Variants in SLC35G2 observed in about 807,000 individuals in gnomAD.
SLC35G2 encodes the protein transmembrane protein 22.
Under a neutral mutation model 27.2 loss-of-function variants are expected in SLC35G2, and 20 were observed. The observed-to-expected ratio is 0.74, with a 90% confidence interval of 0.52 to 1.07. SLC35G2 has a LOEUF of 1.07. Among genes scored for constraint, SLC35G2 ranks in the 50% least tolerant of loss-of-function variants. The probability of loss-of-function intolerance (pLI) is 0.00; values close to 1 mark genes in which losing one functional copy is unlikely to be tolerated. For synonymous variants in SLC35G2, 148 were observed against 165.3 expected (o/e 0.90, Z 0.80); for missense variants, 416 against 493.3 (o/e 0.84, Z 1.48).
chr3:136,825,649 T>C (rs1936566552), intron 1 of SLC35G2, among the ~76,000 whole-genome samples: 2 of 152,238 alleles, frequency 1.3e-5, no homozygotes, highest in Non-Finnish European at 2.9e-5. Context: ...TCAGCATTAA[T>C]TGAAATGATT....
chr3:136,823,312 C>A (rs12695653), intron 1 of SLC35G2, among the ~76,000 whole-genome samples: 103,339 of 152,146 alleles, frequency 0.68, 35,396 homozygotes, highest in East Asian at 0.87. Context: ...GATTATTAAT[C>A]CCTTGTCAGA....
intron 1 of SLC35G2, among the ~76,000 whole-genome samples, chr3:136,837,053 A>T (rs1262032484): frequency 8.5e-5 from 13 of 152,174 alleles, no homozygotes. Context: ...AGAAAAGCCA[A>T]AGGTAATTAT....
intron 1 of SLC35G2, among the ~76,000 whole-genome samples, chr3:136,829,080 T>G (rs1936658951): frequency 6.6e-6 from 1 of 152,248 alleles, no homozygotes; most frequent in Non-Finnish European, 1.5e-5. Flanking sequence ...TCTATTGTAC[T>G]GTCTACGTCT....
At chr3:136,821,994 A>T (rs1251954658) in intron 1 of SLC35G2, among the ~76,000 whole-genome samples, 1 of 152,112 alleles carries the variant, frequency 6.6e-6, no homozygotes, top group African/African-American at 2.4e-5. Flanking sequence ...ACATAGGTAT[A>T]TATATATTTA....
At chr3:136,820,146 T>G (rs1009914870) in intron 1 of SLC35G2, 5 of 152,056 alleles carry the variant, frequency 3.3e-5, no homozygotes, top group Non-Finnish European at 7.3e-5. Flanking sequence ...AAAGCTCGGG[T>G]CCGAGTGTTG....
intron 1 of SLC35G2, among the ~76,000 whole-genome samples, chr3:136,851,425 G>C (rs1937623570): frequency 6.7e-6 from 1 of 149,392 alleles, no homozygotes; most frequent in Admixed American, 6.7e-5. Flanking sequence ...GTGAACCCGG[G>C]AGGTGGAGCT....
chr3:136,854,973 T>C lies in SLC35G2; in HGVS notation c.513T>C (p.Tyr171=), dbSNP rs2108046146. ...PSGYRLRLFF[Y]GVCNVISITC... The stretch of plus-strand genomic sequence containing the variant: ...GATACAGATTACGACTCTTCTTTTA[T>C]GGTGTATGCAATGTCATTTCTATCA... The change falls in exon 2 of 2, where the codon TAT becomes TAC. Residue 171 remains tyrosine (Y), a synonymous_variant. Transcript: ENST00000446465. 1 of 1,614,220 alleles carries C rather than the reference T, an allele frequency of 6.2e-7. No individual in the cohort carries two copies. The highest frequency in any genetic ancestry group is 8.5e-7 in the Non-Finnish European group (1 of 1,180,036).
At chr3:136,834,662 C>CCACTGTCT (rs1936817822) in intron 1 of SLC35G2, among the ~76,000 whole-genome samples, 1 of 152,160 alleles carries the variant, frequency 6.6e-6, no homozygotes. Context: ...ATCACCACCA[C>CCACTGTCT]CACTGTCTCA....
intron 1 of SLC35G2, among the ~76,000 whole-genome samples, chr3:136,827,583 G>T (rs200749066): frequency 1.3e-5 from 2 of 152,156 alleles, no homozygotes; most frequent in East Asian, 3.9e-4. Flanking sequence ...TTTTTTTGAT[G>T]TAGGCATTTA....
intron 1 of SLC35G2, among the ~76,000 whole-genome samples, chr3:136,823,921 A>G (rs934152113): frequency 1.3e-5 from 2 of 152,052 alleles, no homozygotes; most frequent in African/African-American, 4.8e-5. Context: ...ATAGGGGTCT[A>G]GTTTCATTAT....
rs992356209 is a variant in SLC35G2, at chr3:136,828,712, T to A, written c.-19+9084T>A. Reference sequence around the variant, plus strand: ...CATTCAGCCAGTCTGTGTCTTTGGATTGGAGAATTTAGTCTGTTTACATTC... The same window carrying A: ...CATTCAGCCAGTCTGTGTCTTTGGAATGGAGAATTTAGTCTGTTTACATTC... On this transcript the variant is annotated intron_variant, in intron 1 of 1. Transcript: ENST00000446465. 3.9e-4 allele frequency among the ~76,000 whole-genome samples: 59 copies of A among 152,332 alleles called. 1 individual carries two copies. Among genetic ancestry groups the A allele is most frequent in the African/African-American group, 1.4e-3 (59 of 41,584 alleles).
chr3:136,840,870 G>T (rs546200264), intron 1 of SLC35G2, among the ~76,000 whole-genome samples: 1 of 149,750 alleles, frequency 6.7e-6, no homozygotes, highest in Non-Finnish European at 1.5e-5. Context: ...TGATCTGCCC[G>T]TCTGAGCCTC....
At chr3:136,844,511 T>C (rs1576906322) in intron 1 of SLC35G2, among the ~76,000 whole-genome samples, 3 of 122,432 alleles carry the variant, frequency 2.5e-5, no homozygotes, top group Admixed American at 8.4e-5. Flanking sequence ...AAACAACAAA[T>C]TTGTTGACTG....
rs112578666 is a variant in SLC35G2, at chr3:136,828,580, G to A, written c.-19+8952G>A. On this transcript the variant is annotated intron_variant, in intron 1 of 1. Transcript: ENST00000446465. The stretch of plus-strand genomic sequence containing the variant: ...TTGTCCTTGTTTGGTTTTCATTGGC[G>A]TGGAATATCTTTGTCCATCCCTTTA... Among the ~76,000 whole-genome samples, 16 of 152,190 alleles carry A rather than the reference G, an allele frequency of 1.1e-4. 1 individual carries two copies. Among genetic ancestry groups the A allele is most frequent in the Admixed American group, 7.2e-4 (11 of 15,274 alleles).
rs916766846 is a variant in SLC35G2 at position 136,838,270 on chromosome 3, TATATATATATATAA to T, written c.-18-16170_-18-16157del. The T allele has an allele frequency of 9.2e-4, 51 of 55,504 alleles. 2 individuals are homozygous for T. The highest frequency in any genetic ancestry group is 2.7e-3 in the South Asian group (4 of 1,486). The allele number at this position is 55,504 out of a possible 1,614,324, so 3.4% of individuals were successfully genotyped here. ...ACATATATATATATATATATATATATATATATATATATAAATGCACACACAACGTGTGTGTGCTT... is the reference window on the plus strand; with the variant it reads ...ACATATATATATATATATATATATATATGCACACACAACGTGTGTGTGCTT... On this transcript the variant is annotated intron_variant, in intron 1 of 1. Coordinates refer to ENST00000446465, the MANE Select transcript of SLC35G2 (RefSeq NM_025246.3).
intron 1 of SLC35G2, among the ~76,000 whole-genome samples, chr3:136,826,972 CT>C (rs368303100): frequency 2.6e-3 from 85 of 32,832 alleles, no homozygotes; most frequent in African/African-American, 4.6e-3. Context: ...TCTCTTTTTT[CT>C]TTTTTTTTTT....
chr3:136,852,232 G>T (rs1237541328), intron 1 of SLC35G2, among the ~76,000 whole-genome samples: 2 of 148,416 alleles, frequency 1.3e-5, no homozygotes, highest in African/African-American at 2.5e-5. Context: ...CAGGAAGAAG[G>T]ACTGCAAATG....
intron 1 of SLC35G2, chr3:136,837,590 T>A (rs925462335): frequency 6.6e-6 from 1 of 152,196 alleles, no homozygotes; most frequent in African/African-American, 2.4e-5. Context: ...TGTAAATATA[T>A]ATACATATAA....
chr3:136,830,676 A>C (rs1304399082), intron 1 of SLC35G2, among the ~76,000 whole-genome samples: 2 of 152,082 alleles, frequency 1.3e-5, no homozygotes, highest in Non-Finnish European at 2.9e-5. Context: ...AGCCTCCCAA[A>C]GTGCTGGGAT....
Sources: allele counts gnomAD v4.1 joint callset (sites outside exome capture counted in the v4.1 genomes callset), GRCh38; gene constraint gnomAD v4.1.1; transcripts MANE v1.5; gene names NCBI Gene and HGNC (gene_info 2026-07-23, HGNC 2026-07-21).